The following MIS18A variants were observed in gnomAD, a reference collection of about 807,000 sequenced individuals.
MIS18A encodes protein Mis18-alpha.
A neutral mutation model predicts 25.0 loss-of-function variants in MIS18A; 14 were observed. That is an observed-to-expected ratio of 0.56 (90% CI 0.37 to 0.88). MIS18A has a LOEUF of 0.88. MIS18A is among the 40% of genes least tolerant of loss of function. The probability of loss-of-function intolerance (pLI) is 0.00; values close to 1 mark genes in which losing one functional copy is unlikely to be tolerated. For synonymous variants in MIS18A, 134 were observed against 118.6 expected, an observed-to-expected ratio of 1.13 and a Z score of -0.84; for missense variants, 292 against 290.8, an observed-to-expected ratio of 1.00 and a Z score of -0.03.
the MIS18A span, among the ~76,000 whole-genome samples, chr21:32,159,289 C>G: frequency 6.6e-6 from 1 of 152,130 alleles, no homozygotes; most frequent in African/African-American, 2.4e-5. Flanking sequence ...TTTACTAAAA[C>G]TGTGAGAGCC....
At chr21:32,197,788 G>A in the MIS18A span, 1 of 152,248 alleles carries the variant, frequency 6.6e-6, no homozygotes, top group Non-Finnish European at 1.5e-5. Flanking sequence ...AATTCTAGGA[G>A]GGCTCATTCC....
At chr21:32,240,252 C>T in the MIS18A span, among the ~76,000 whole-genome samples, 4 of 152,246 alleles carry the variant, frequency 2.6e-5, no homozygotes, top group East Asian at 3.8e-4. Context: ...CATGGTGGTA[C>T]TGGAATGTCT....
chr21:32,219,323 A>C, the MIS18A span, among the ~76,000 whole-genome samples: 1 of 152,108 alleles, frequency 6.6e-6, no homozygotes, highest in African/African-American at 2.4e-5. Context: ...CAGCCCACAG[A>C]GGGTGAGCAA....
the MIS18A span, among the ~76,000 whole-genome samples, chr21:32,230,385 T>C: frequency 6.6e-6 from 1 of 152,206 alleles, no homozygotes; most frequent in Admixed American, 6.5e-5. Flanking sequence ...AGAGCATTTT[T>C]GGAAATTATA....
At chr21:32,223,200 C>T in the MIS18A span, among the ~76,000 whole-genome samples, 1 of 151,946 alleles carries the variant, frequency 6.6e-6, no homozygotes, top group Non-Finnish European at 1.5e-5. Flanking sequence ...GACACCCTAA[C>T]ATCATGATTA....
chr21:32,278,815 G>A lies in MIS18A; in HGVS notation c.200C>T (p.Ala67Val), dbSNP rs764714724. ...EDASVADMER[A>V]QLEEEAAAAE... ...AGCCGCCGCCTCCTCCTCCAGCTGC[G>A]CCCTCTCCATGTCGGCCACCGACGC... The change falls in exon 1 of 5, where the codon GCG (alanine) becomes GTG (valine). Residue 67 changes from alanine (A) to valine (V), a missense_variant. Transcript: ENST00000290130. 9.4e-6 allele frequency: 15 copies of A among 1,597,426 alleles called. No homozygotes were observed. The South Asian group carries it at 1.7e-4, about 18-fold the overall frequency.
the MIS18A span, among the ~76,000 whole-genome samples, chr21:32,186,354 C>A: frequency 6.6e-6 from 1 of 152,230 alleles, no homozygotes; most frequent in South Asian, 2.1e-4. Context: ...CTAGCTTTGC[C>A]TTGCCCATGA....
At chr21:32,246,851 C>T in the MIS18A span, among the ~76,000 whole-genome samples, 29 of 152,216 alleles carry the variant, frequency 1.9e-4, no homozygotes, top group South Asian at 5.8e-3. Flanking sequence ...TGAACAGAAA[C>T]GGCTTTTCTC....
the MIS18A span, among the ~76,000 whole-genome samples, chr21:32,192,787 C>T: frequency 1.3e-5 from 2 of 152,188 alleles, no homozygotes; most frequent in Non-Finnish European, 2.9e-5. Context: ...ATAACCCTCT[C>T]GTAGGAGCAA....
the MIS18A span, among the ~76,000 whole-genome samples, chr21:32,170,739 T>C: frequency 2.0e-5 from 3 of 151,864 alleles, no homozygotes; most frequent in East Asian, 5.8e-4. Context: ...GTCAATAAAA[T>C]ACTAGTGAAC....
the MIS18A span, among the ~76,000 whole-genome samples, chr21:32,179,244 C>T: frequency 6.6e-6 from 1 of 152,110 alleles, no homozygotes; most frequent in South Asian, 2.1e-4. Flanking sequence ...CTTTCTCTTT[C>T]CCCCTGTACT....
chr21:32,158,133 A>G, the MIS18A span, among the ~76,000 whole-genome samples: 2 of 152,244 alleles, frequency 1.3e-5, no homozygotes, highest in Admixed American at 1.3e-4. Context: ...AAATAGAGAT[A>G]TAACAGGCAT....
At chr21:32,252,618 C>T in the MIS18A span, among the ~76,000 whole-genome samples, 2 of 152,178 alleles carry the variant, frequency 1.3e-5, no homozygotes, top group African/African-American at 4.8e-5. Context: ...CCAGCATACC[C>T]GCTGTCAGAA....
chr21:32,247,968 C>G, the MIS18A span, among the ~76,000 whole-genome samples: 3 of 152,160 alleles, frequency 2.0e-5, no homozygotes, highest in Non-Finnish European at 4.4e-5. Flanking sequence ...CAAACAGACT[C>G]TATGTGAAGA....
chr21:32,174,515 C>T, the MIS18A span, among the ~76,000 whole-genome samples: 11,761 of 152,066 alleles, frequency 0.077, 573 homozygotes, highest in South Asian at 0.16. Flanking sequence ...ACATGTACCC[C>T]GGAACTTAAA....
the MIS18A span, among the ~76,000 whole-genome samples, chr21:32,187,939 G>T: frequency 6.6e-6 from 1 of 152,104 alleles, no homozygotes; most frequent in Non-Finnish European, 1.5e-5. Flanking sequence ...GAGGTCATGA[G>T]GGTCGGGCCC....
At chr21:32,170,240 G>C in the MIS18A span, among the ~76,000 whole-genome samples, 1 of 152,052 alleles carries the variant, frequency 6.6e-6, no homozygotes, top group Non-Finnish European at 1.5e-5. Flanking sequence ...TATTCAAATA[G>C]AAAACACATG....
At chr21:32,159,630 C>T in the MIS18A span, among the ~76,000 whole-genome samples, 1 of 152,262 alleles carries the variant, frequency 6.6e-6, no homozygotes, top group East Asian at 1.9e-4. Flanking sequence ...AGAACATGTA[C>T]CCAATGTGGT....
At chr21:32,161,577 C>T in the MIS18A span, among the ~76,000 whole-genome samples, 12 of 151,658 alleles carry the variant, frequency 7.9e-5, no homozygotes, top group Admixed American at 6.6e-4. Context: ...CTGCAAACTC[C>T]GCCTCCCGGC....
Sources: gnomAD v4.1 joint callset for allele counts (sites outside exome capture counted in the v4.1 genomes callset) on GRCh38, gnomAD v4.1.1 for gene constraint, MANE v1.5 for transcripts, NCBI Gene and HGNC (gene_info 2026-07-23, HGNC 2026-07-21) for gene names.